KALRN: variants seen among roughly 807,000 people sequenced by gnomAD.
KALRN encodes kalirin.
In KALRN, 70 loss-of-function variants were observed where a neutral mutation model predicts 353.7. That is an observed-to-expected ratio of 0.20 (90% CI 0.16 to 0.24). The LOEUF (loss-of-function observed/expected upper bound fraction) is 0.24. Among genes scored for constraint, KALRN ranks in the 10% least tolerant of loss-of-function variants. The pLI is 1.00. For synonymous variants in KALRN, 1,391 were observed against 1,434.8 expected (o/e 0.97, Z 0.69); for missense variants, 2,791 against 3,756.7 (o/e 0.74, Z 6.72).
intron 1 of KALRN, among the ~76,000 whole-genome samples, chr3:124,130,778 G>A (rs569444523): frequency 6.6e-6 from 1 of 152,094 alleles, no homozygotes; most frequent in African/African-American, 2.4e-5. Flanking sequence ...GTATATCAAC[G>A]CCACAGAATG....
chr3:124,616,897 G>A (rs546077050), intron 34 of KALRN, among the ~76,000 whole-genome samples: 58 of 151,662 alleles, frequency 3.8e-4, no homozygotes, highest in Admixed American at 1.1e-3. Context: ...CCCAGGAGGC[G>A]GAGCTTGCAG....
rs150997940 is a variant in KALRN, at chr3:124,637,278, T to C, written c.5639T>C (p.Ile1880Thr). The C allele has an allele frequency of 6.2e-7, 1 of 1,614,136 alleles. No homozygotes were observed. The highest frequency in any genetic ancestry group is 8.5e-7 in the Non-Finnish European group (1 of 1,180,002). ...VPTAADLVNA[I>T]EKLVKNKLSL... ...ACTGCTGCAGACCTTGTCAATGCAA[T>C]AGAAAAGTTGGTCAAAAACAAGCTG... The change falls in exon 37 of 60, where the codon ATA becomes ACA. Residue 1880 changes from isoleucine to threonine, a missense_variant. Transcript: ENST00000682506.
intron 6 of KALRN, among the ~76,000 whole-genome samples, chr3:124,312,443 G>A (rs2078366348): frequency 6.6e-6 from 1 of 152,176 alleles, no homozygotes; most frequent in South Asian, 2.1e-4. Context: ...TCACAGGTGT[G>A]AGCCACTGCG....
At chr3:124,585,645 GA>G (rs962284371) in intron 34 of KALRN, among the ~76,000 whole-genome samples, 16 of 150,350 alleles carry the variant, frequency 1.1e-4, no homozygotes, top group African/African-American at 3.4e-4. Context: ...GGCTTCTTCT[GA>G]AAAAAAAAAT....
At chr3:124,152,598 T>C (rs1157350057) in intron 1 of KALRN, 10 of 496,046 alleles carry the variant, frequency 2.0e-5, no homozygotes, top group African/African-American at 1.2e-4. Flanking sequence ...TCTTTCTTTT[T>C]TTTTTTTTTT....
intron 1 of KALRN, among the ~76,000 whole-genome samples, chr3:124,048,762 C>A (rs141068748): frequency 5.8e-4 from 88 of 152,294 alleles, no homozygotes; most frequent in African/African-American, 2.1e-3. Context: ...GGATTACAGG[C>A]GTGAGCCACC....
chr3:124,406,831 G>GTTTTT (rs1940222120), intron 13 of KALRN, among the ~76,000 whole-genome samples: 1 of 57,716 alleles, frequency 1.7e-5, no homozygotes, highest in African/African-American at 6.3e-5. Context: ...AAGTTGCTTT[G>GTTTTT]CTTTTTTTTT....
intron 9 of KALRN, among the ~76,000 whole-genome samples, chr3:124,342,558 C>T (rs2081869428): frequency 6.6e-6 from 1 of 152,116 alleles, no homozygotes; most frequent in Admixed American, 6.6e-5. Flanking sequence ...TCCAGTCATC[C>T]ATTGATGGGC....
chr3:124,657,281 T>C (rs2084176352), intron 39 of KALRN, among the ~76,000 whole-genome samples, 167 bp from the exon 40 acceptor site: 1 of 150,938 alleles, frequency 6.6e-6, no homozygotes, highest in Non-Finnish European at 1.5e-5. Context: ...TCTCTATTGC[T>C]CTGCACCAGG....
rs988767533 is a variant in KALRN at position 124,633,146 on chromosome 3, T to A, written c.5466+443T>A. Among the ~76,000 whole-genome samples, 4 of 152,196 alleles carry A rather than the reference T, an allele frequency of 2.6e-5. No homozygotes were observed. The East Asian group carries it at 7.7e-4, about 29-fold the overall frequency. On this transcript the variant is annotated intron_variant, in intron 35 of 59. Coordinates refer to ENST00000682506, the MANE Select transcript of KALRN (RefSeq NM_001388419.1). ...AAAGGAATAGATCATCCAGAGTTAC[T>A]CCAGATAACTATGATGAACAGATGA...
chr3:124,095,575 C>G (rs957370626), intron 1 of KALRN, among the ~76,000 whole-genome samples: 1 of 152,144 alleles, frequency 6.6e-6, no homozygotes, highest in African/African-American at 2.4e-5. Flanking sequence ...TCTACAGATA[C>G]AGCCGGTACA....
chr3:124,224,716 G>A (rs1007384182), intron 1 of KALRN, among the ~76,000 whole-genome samples: 3 of 152,184 alleles, frequency 2.0e-5, no homozygotes, highest in African/African-American at 4.8e-5. Context: ...CCAGTGAAAT[G>A]TTTTATCTTC....
At chr3:124,150,063 G>A (rs2067886694) in intron 1 of KALRN, among the ~76,000 whole-genome samples, 2 of 152,188 alleles carry the variant, frequency 1.3e-5, no homozygotes, top group Admixed American at 6.5e-5. Context: ...GATCCTGATT[G>A]GGTGGACTGT....
chr3:124,632,751 A>G lies in KALRN; in HGVS notation c.5466+48A>G, dbSNP rs746974012. The G allele has an allele frequency of 1.4e-5, 21 of 1,547,054 alleles. No individual in the cohort carries two copies. In the South Asian group the frequency reaches 2.3e-4, roughly 17 times the overall value. On this transcript the variant is annotated intron_variant, in intron 35 of 59. Transcript: ENST00000682506. ...TTGTCCATCAGGAGGGCCTTCTGAC[A>G]TGTCTCCTTCCTCAGGTTTTGTCAA...
rs377212098 is a variant in KALRN at position 124,188,788 on chromosome 3, CA to C, written c.74-39199del. Among the ~76,000 whole-genome samples the C allele has an allele frequency of 6.8e-4, 104 of 152,290 alleles. No homozygotes were observed. In the South Asian group the frequency reaches 0.014, roughly 20 times the overall value. On this transcript the variant is annotated intron_variant, in intron 1 of 59. Transcript: ENST00000682506. The stretch of plus-strand genomic sequence containing the variant: ...AGTTATGAGACTCCTGGATCAGAGA[CA>C]AAGGACTTAATGACTCACAGCAAAG...
chr3:124,718,153 G>A (rs1348078720), intron 59 of KALRN, among the ~76,000 whole-genome samples: 30 of 130,914 alleles, frequency 2.3e-4, no homozygotes, highest in East Asian at 4.6e-4. Flanking sequence ...ATGGAGTCTC[G>A]CTCTGTCACC....
intron 1 of KALRN, among the ~76,000 whole-genome samples, chr3:124,034,760 C>A (rs2039254178): frequency 6.6e-6 from 1 of 152,066 alleles, no homozygotes; most frequent in African/African-American, 2.4e-5. Flanking sequence ...TGTAGCTCCC[C>A]ATCTCCCCAC....
intron 34 of KALRN, among the ~76,000 whole-genome samples, chr3:124,619,488 T>C (rs1406725678): frequency 6.9e-6 from 1 of 144,708 alleles, no homozygotes; most frequent in Non-Finnish European, 1.5e-5. Context: ...CCTTCTTTTT[T>C]TTTTTTTTTT....
intron 37 of KALRN, among the ~76,000 whole-genome samples, chr3:124,648,645 C>T (rs191298414): frequency 3.6e-4 from 55 of 152,298 alleles, no homozygotes; most frequent in Non-Finnish European, 7.3e-4. Context: ...GTTTCCCAGG[C>T]GTTGCAGTCA....
Sources: gnomAD v4.1 joint callset for allele counts (sites outside exome capture counted in the v4.1 genomes callset) on GRCh38, gnomAD v4.1.1 for gene constraint, MANE v1.5 for transcripts, NCBI Gene and HGNC (gene_info 2026-07-23, HGNC 2026-07-21) for gene names.